Variants in GPR107 observed in about 807,000 individuals in gnomAD.
GPR107 encodes G protein-coupled receptor 107, also known as protein GPR107.
GPR107 carries 31 observed loss-of-function variants against 75.5 expected under a neutral mutation model. That is an observed-to-expected ratio of 0.41 (90% CI 0.31 to 0.55). GPR107 has a LOEUF of 0.55. GPR107 is among the 20% of genes least tolerant of loss of function. GPR107 has a pLI of 0.26. For missense variants in GPR107, 572 were observed against 665.7 expected, an observed-to-expected ratio of 0.86 and a Z score of 1.55; for synonymous variants, 267 against 251.3, an observed-to-expected ratio of 1.06 and a Z score of -0.59.
intron 1 of GPR107, among the ~76,000 whole-genome samples, chr9:130,064,207 TTG>T (rs753435684): frequency 0.51 from 57,601 of 113,780 alleles, 14,954 homozygotes; most frequent in East Asian, 0.75. Flanking sequence ...TTTTTTTTTT[TTG>T]AGACGGAGTC....
chr9:130,090,608 GA>G (rs1248207860), intron 7 of GPR107, among the ~76,000 whole-genome samples: 1 of 152,174 alleles, frequency 6.6e-6, no homozygotes, highest in African/African-American at 2.4e-5. Flanking sequence ...CTGTATGCTT[GA>G]AAATTGTTGT....
At chr9:130,133,190 C>T (rs568759479) in intron 17 of GPR107, 1 of 152,286 alleles carries the variant, frequency 6.6e-6, no homozygotes, top group Non-Finnish European at 1.5e-5. Flanking sequence ...TCCTTGATGA[C>T]CTAGCATGAG....
At chr9:130,087,442 C>T (rs916466820) in intron 7 of GPR107, among the ~76,000 whole-genome samples, 16 of 151,680 alleles carry the variant, frequency 1.1e-4, no homozygotes, top group Admixed American at 2.6e-4. Flanking sequence ...CTGAGGTAGG[C>T]GGATTGCTTG....
chr9:130,081,956 C>T (rs567022338), intron 5 of GPR107, among the ~76,000 whole-genome samples: 2 of 152,186 alleles, frequency 1.3e-5, no homozygotes, highest in South Asian at 2.1e-4. Flanking sequence ...CAAAGCATGG[C>T]GCCGGAATCT....
At chr9:130,131,926 G>C (rs1279093572) in intron 17 of GPR107, among the ~76,000 whole-genome samples, 1 of 152,124 alleles carries the variant, frequency 6.6e-6, no homozygotes, top group African/African-American at 2.4e-5. Context: ...TGTCACCCAG[G>C]CTGGAGTGCA....
intron 1 of GPR107, among the ~76,000 whole-genome samples, chr9:130,068,959 C>T (rs1163315307): frequency 6.6e-6 from 1 of 152,006 alleles, no homozygotes; most frequent in African/African-American, 2.4e-5. Context: ...AGGCTGGTCT[C>T]AAACTCCTCA....
intron 14 of GPR107, among the ~76,000 whole-genome samples, chr9:130,107,926 G>A (rs568270222): frequency 1.3e-5 from 2 of 152,346 alleles, no homozygotes; most frequent in South Asian, 2.1e-4. Flanking sequence ...AGCCCTGCCT[G>A]CTGATTTAAC....
intron 17 of GPR107, among the ~76,000 whole-genome samples, chr9:130,131,726 A>C (rs895481121): frequency 1.3e-5 from 2 of 152,014 alleles, no homozygotes; most frequent in African/African-American, 4.8e-5. Context: ...TCCTGCAGCC[A>C]TGGCTGAACC....
chr9:130,097,154 T>C (rs1439927584), intron 9 of GPR107, among the ~76,000 whole-genome samples: 1 of 70,204 alleles, frequency 1.4e-5, no homozygotes, highest in South Asian at 6.0e-4. Flanking sequence ...TTCTTTTTTT[T>C]CTTTTTTTTT....
rs1832060084 is a variant in GPR107 at position 130,139,974 on chromosome 9, A to AT, written c.*4856dup. The AT allele has an allele frequency of 6.6e-6, 1 of 152,162 alleles. No individual in the cohort carries two copies. Among genetic ancestry groups the AT allele is most frequent in the Non-Finnish European group, 1.5e-5 (1 of 68,044 alleles). 9.4% of individuals were successfully genotyped at this position (152,162 alleles called of 1,614,324 possible). Reference sequence around the variant, plus strand: ...GAGGGCTTGCAGGTCTGTAAATAGCATTTGCTTTCCTGGTTAGAGATTGGG... The same window carrying AT: ...GAGGGCTTGCAGGTCTGTAAATAGCATTTTGCTTTCCTGGTTAGAGATTGGG... On this transcript the variant is annotated 3_prime_UTR_variant, in exon 18 of 18. Transcript: ENST00000347136.
At chr9:130,077,919 C>T (rs1296281672) in intron 4 of GPR107, among the ~76,000 whole-genome samples, 1 of 152,016 alleles carries the variant, frequency 6.6e-6, no homozygotes, top group African/African-American at 2.4e-5. Flanking sequence ...TAATCCCAGC[C>T]CTTTGGGAGG....
chr9:130,120,478 C>T (rs937329337), intron 14 of GPR107, among the ~76,000 whole-genome samples: 6 of 152,310 alleles, frequency 3.9e-5, no homozygotes, highest in South Asian at 4.1e-4. Flanking sequence ...CAGTCCCCTC[C>T]CCATCCGCAT....
At position 130,106,596 on chromosome 9, in the gene GPR107, A is replaced by AAAATAAAT. The variant is rs34201601; in HGVS notation, c.1263-881_1263-874dup. Reference sequence around the variant, plus strand: ...TGGCGACAGAACAAGACTCTGTCTCAAAATAAATAAATAAATAAATAAATA... The same window carrying AAAATAAAT: ...TGGCGACAGAACAAGACTCTGTCTCAAAATAAATAAATAAATAAATAAATAAATAAATA... On this transcript the variant is annotated intron_variant, in intron 13 of 17. Coordinates refer to ENST00000347136, the MANE Select transcript of GPR107 (RefSeq NM_020960.5). Among the ~76,000 whole-genome samples the AAAATAAAT allele has an allele frequency of 3.1e-3, 402 of 131,412 alleles. 8 individuals are homozygous for AAAATAAAT. The highest frequency in any genetic ancestry group is 0.011 in the Middle Eastern group (3 of 274). The allele number at this position is 131,412 out of a possible 152,430, so 86.2% of individuals were successfully genotyped here.
At chr9:130,099,614 G>A in intron 10 of GPR107, 82 bp downstream of exon 10, 1 of 781,366 alleles carries the variant, frequency 1.3e-6, no homozygotes, top group Admixed American at 2.1e-5. Context: ...TGAAGAAAGG[G>A]GATAGATTGG....
At chr9:130,090,060 C>T (rs972616754) in intron 7 of GPR107, among the ~76,000 whole-genome samples, 1 of 152,156 alleles carries the variant, frequency 6.6e-6, no homozygotes, top group Non-Finnish European at 1.5e-5. Flanking sequence ...AGCAACCCGT[C>T]ATGAAAAATG....
chr9:130,080,050 C>T (rs1185457538), intron 5 of GPR107, among the ~76,000 whole-genome samples: 1 of 152,128 alleles, frequency 6.6e-6, no homozygotes, highest in Non-Finnish European at 1.5e-5. Flanking sequence ...TTTTAAAATT[C>T]AGTCATGCTT....
intron 14 of GPR107, 88 bp from the exon 15 acceptor site, chr9:130,124,827 C>T: frequency 1.3e-6 from 1 of 750,724 alleles, no homozygotes. Flanking sequence ...TTAGAGGTGG[C>T]CTCTTGACTG....
chr9:130,067,096 G>T (rs1830090280), intron 1 of GPR107, among the ~76,000 whole-genome samples: 1 of 152,280 alleles, frequency 6.6e-6, no homozygotes, highest in Non-Finnish European at 1.5e-5. Context: ...GGGAGATAGT[G>T]TTGATACATT....
chr9:130,079,546 C>T (rs1232220776), intron 4 of GPR107, 84 bp from the exon 5 acceptor site: 21 of 1,067,412 alleles, frequency 2.0e-5, no homozygotes, highest in Non-Finnish European at 2.7e-5. Flanking sequence ...ACTGCATGAG[C>T]TTGGCACAGG....
Sources: gnomAD v4.1 joint callset for allele counts (sites outside exome capture counted in the v4.1 genomes callset) on GRCh38, gnomAD v4.1.1 for gene constraint, MANE v1.5 for transcripts, NCBI Gene and HGNC (gene_info 2026-07-23, HGNC 2026-07-21) for gene names.